PTH: variants seen among roughly 807,000 people sequenced by gnomAD.
The protein encoded by PTH is parathyroid hormone.
PTH carries 7 observed loss-of-function variants against 7.4 expected under a neutral mutation model. That is an observed-to-expected ratio of 0.94 (90% CI 0.53 to 1.77). The LOEUF is 1.77. Among genes scored for constraint, PTH ranks in the 40% most tolerant of loss-of-function variants. PTH has a pLI of 0.00. For missense variants in PTH, 128 were observed against 137.1 expected, an observed-to-expected ratio of 0.93 and a Z score of 0.33; for synonymous variants, 51 against 46.6, an observed-to-expected ratio of 1.09 and a Z score of -0.39.
intron 1 of PTH, among the ~76,000 whole-genome samples, chr11:13,494,651 C>G (rs1424077744): frequency 6.6e-6 from 1 of 152,150 alleles, no homozygotes; most frequent in Non-Finnish European, 1.5e-5. Context: ...CACCTCATCT[C>G]AAGTTTTATG....
At chr11:13,492,933 TACTA>T (rs1847494694) in intron 1 of PTH, 73 bp from the exon 2 acceptor site, 1 of 1,344,724 alleles carries the variant, frequency 7.4e-7, no homozygotes, top group African/African-American at 1.5e-5. Context: ...CAGAATGCAA[TACTA>T]ACTAATTGGG....
intron 1 of PTH, among the ~76,000 whole-genome samples, chr11:13,495,182 A>G (rs1400924274): frequency 6.6e-6 from 1 of 152,186 alleles, no homozygotes; most frequent in Admixed American, 6.6e-5. Context: ...CTTTTAATAT[A>G]ACTTTTGTCT....
At chr11:13,494,089 T>C (rs950917903) in intron 1 of PTH, among the ~76,000 whole-genome samples, 1 of 152,168 alleles carries the variant, frequency 6.6e-6, no homozygotes, top group Non-Finnish European at 1.5e-5. Context: ...TCATGTTTTT[T>C]TTTTCTTCTC....
intron 1 of PTH, among the ~76,000 whole-genome samples, chr11:13,495,193 CTT>C (rs1847524172): frequency 6.6e-6 from 1 of 152,166 alleles, no homozygotes; most frequent in East Asian, 1.9e-4. Context: ...ACTTTTGTCT[CTT>C]TCCTCGTTTC....
Sources: gnomAD v4.1 joint callset for allele counts (sites outside exome capture counted in the v4.1 genomes callset) on GRCh38, gnomAD v4.1.1 for gene constraint, MANE v1.5 for transcripts, NCBI Gene and HGNC (gene_info 2026-07-23, HGNC 2026-07-21) for gene names.